The following RBM19 variants were observed in gnomAD, a reference collection of about 807,000 sequenced individuals.
RBM19 encodes probable RNA-binding protein 19.
A neutral mutation model predicts 116.8 loss-of-function variants in RBM19; 94 were observed. The observed-to-expected ratio is 0.80, with a 90% CI of 0.68 to 0.95. The LOEUF is 0.95. Among genes scored for constraint, RBM19 ranks in the 40% least tolerant of loss-of-function variants. The pLI is 0.00. For synonymous variants in RBM19, 475 were observed against 494.1 expected (o/e 0.96, Z 0.51); for missense variants, 1,161 against 1,220.7 (o/e 0.95, Z 0.73).
intron 23 of RBM19, among the ~76,000 whole-genome samples, chr12:113,838,478 A>G: frequency 6.6e-6 from 1 of 152,184 alleles, no homozygotes; most frequent in East Asian, 1.9e-4. Flanking sequence ...GAGCATGCAT[A>G]CTCCACAGGG....
intron 4 of RBM19, 130 bp from the exon 5 acceptor site, chr12:113,959,534 C>CAGAGAATGGGGGAA: frequency 1.8e-6 from 2 of 1,127,032 alleles, no homozygotes; most frequent in Non-Finnish European, 2.5e-6. Context: ...TAATTTCCCC[C>CAGAGAATGGGGGAA]ATTCTCTGGA....
At chr12:113,862,269 G>T (rs1456126824) in intron 21 of RBM19, among the ~76,000 whole-genome samples, 3 of 152,156 alleles carry the variant, frequency 2.0e-5, no homozygotes, top group Admixed American at 1.3e-4. Flanking sequence ...GAAGAAAAGC[G>T]ACTTGCCCAT....
chr12:113,949,027 T>C lies in RBM19; in HGVS notation c.1082A>G (p.Tyr361Cys), dbSNP rs149098977. The change falls in exon 10 of 24, where the codon TAC becomes TGC. Residue 361 changes from tyrosine (Y) to cysteine (C), a missense_variant. Tyr to Cys is a radical substitution (Grantham distance 194). Coordinates refer to ENST00000261741, the MANE Select transcript of RBM19 (RefSeq NM_016196.4). ...KCNREYMGGR[Y>C]IEVFREKNVP... is the part of the protein sequence containing the mutation. ...GTTCTTTTCCCTGAACACCTCGATGTAGCGCCCACCTGCAATGAAGAGGAG... is the reference window on the plus strand; with the variant it reads ...GTTCTTTTCCCTGAACACCTCGATGCAGCGCCCACCTGCAATGAAGAGGAG... 20 of 1,613,192 alleles carry C rather than the reference T, an allele frequency of 1.2e-5. No homozygotes were observed. In the African/African-American group the frequency reaches 2.1e-4, roughly 17 times the overall value.
intron 21 of RBM19, among the ~76,000 whole-genome samples, chr12:113,873,831 GGA>G (rs1355570801): frequency 6.6e-6 from 1 of 152,254 alleles, no homozygotes; most frequent in African/African-American, 2.4e-5. Context: ...TTCAGTGATG[GGA>G]GAAATGAGAC....
chr12:113,887,578 T>G (rs1463219737), intron 21 of RBM19, among the ~76,000 whole-genome samples: 1 of 121,890 alleles, frequency 8.2e-6, no homozygotes, highest in Non-Finnish European at 1.6e-5. Flanking sequence ...GAGGTTGCAG[T>G]GAGCCGAGAT....
At chr12:113,954,023 C>G (rs565381120) in intron 7 of RBM19, among the ~76,000 whole-genome samples, 1 of 152,262 alleles carries the variant, frequency 6.6e-6, no homozygotes, top group Middle Eastern at 3.4e-3. Flanking sequence ...CTCCCACGTC[C>G]CAATTTAGGG....
At chr12:113,954,501 C>A (rs1471445369) in intron 7 of RBM19, among the ~76,000 whole-genome samples, 1 of 152,146 alleles carries the variant, frequency 6.6e-6, no homozygotes, top group African/African-American at 2.4e-5. Flanking sequence ...CAGCCTGGCA[C>A]CCCATTGGGG....
At chr12:113,847,518 G>A (rs3782429) in intron 22 of RBM19, among the ~76,000 whole-genome samples, 5,357 of 152,132 alleles carry the variant, frequency 0.035, 307 homozygotes, top group Admixed American at 0.15. Flanking sequence ...TGGGGGAGCT[G>A]GGGTTTTAAG....
At chr12:113,843,952 C>T (rs1439211219) in intron 23 of RBM19, among the ~76,000 whole-genome samples, 1 of 152,208 alleles carries the variant, frequency 6.6e-6, no homozygotes, top group Non-Finnish European at 1.5e-5. Context: ...CTTAGGCAGC[C>T]CTTTGTTGGG....
Position 113,909,207 on chromosome 12 carries a change from C to G in RBM19, c.2558+5762G>C, listed in dbSNP as rs555738363. 4.6e-5 allele frequency among the ~76,000 whole-genome samples: 7 copies of G among 152,274 alleles called. No individual in the cohort carries two copies. In the East Asian group the frequency reaches 1.4e-3, roughly 29 times the overall value. ...GCCTGATTATAGCTCACTGCAAACT[C>G]AGACTCCCAGACTCAAACAATTTTC... is the stretch of plus-strand genomic sequence containing the variant. On this transcript the variant is annotated intron_variant, in intron 21 of 23. Coordinates refer to ENST00000261741, the MANE Select transcript of RBM19 (RefSeq NM_016196.4).
chr12:113,906,766 C>T (rs1249056487), intron 21 of RBM19, among the ~76,000 whole-genome samples: 4 of 151,878 alleles, frequency 2.6e-5, no homozygotes, highest in African/African-American at 7.3e-5. Context: ...TCTAAGATTC[C>T]CTGTACTGGA....
chr12:113,909,487 A>G (rs2135842577), intron 21 of RBM19, among the ~76,000 whole-genome samples: 1 of 152,310 alleles, frequency 6.6e-6, no homozygotes, highest in South Asian at 2.1e-4. Flanking sequence ...CAAAGCCCCA[A>G]CCAAGAAGGT....
At chr12:113,852,895 C>T (rs953634343) in intron 22 of RBM19, among the ~76,000 whole-genome samples, 3 of 152,244 alleles carry the variant, frequency 2.0e-5, no homozygotes, top group South Asian at 2.1e-4. Context: ...GAACGCACGC[C>T]ACTGACAATC....
chr12:113,950,498 A>G (rs1387022157), intron 8 of RBM19, among the ~76,000 whole-genome samples: 1 of 152,174 alleles, frequency 6.6e-6, no homozygotes, highest in Non-Finnish European at 1.5e-5. Context: ...CTGTGGCTAC[A>G]GCATGAGGAC....
intron 21 of RBM19, among the ~76,000 whole-genome samples, chr12:113,896,004 G>A (rs566598886): frequency 6.6e-6 from 1 of 152,154 alleles, no homozygotes; most frequent in South Asian, 2.1e-4. Context: ...ATGTAGAGAG[G>A]AGAAAGGGAG....
At chr12:113,869,059 G>A (rs568455491) in intron 21 of RBM19, among the ~76,000 whole-genome samples, 2 of 152,300 alleles carry the variant, frequency 1.3e-5, no homozygotes, top group African/African-American at 4.8e-5. Flanking sequence ...GAACTGTTGT[G>A]AGTAATGTGC....
intron 23 of RBM19, among the ~76,000 whole-genome samples, chr12:113,826,942 C>T (rs1333921169): frequency 2.6e-5 from 4 of 152,196 alleles, no homozygotes; most frequent in South Asian, 4.1e-4. Context: ...ATAAGCCAGC[C>T]TCCGTGCTCC....
At chr12:113,826,620 G>A (rs1874881106) in intron 23 of RBM19, among the ~76,000 whole-genome samples, 1 of 152,238 alleles carries the variant, frequency 6.6e-6, no homozygotes, top group Non-Finnish European at 1.5e-5. Context: ...TTTCTGGTCT[G>A]GCAGGGGGAG....
chr12:113,944,561 G>A (rs146271787), intron 13 of RBM19, among the ~76,000 whole-genome samples: 116 of 152,086 alleles, frequency 7.6e-4, no homozygotes, highest in African/African-American at 2.7e-3. Flanking sequence ...ACTTTGGGAG[G>A]CCAAGGTGGC....
Sources: gnomAD v4.1 joint callset for allele counts (sites outside exome capture counted in the v4.1 genomes callset) on GRCh38, gnomAD v4.1.1 for gene constraint, MANE v1.5 for transcripts, NCBI Gene and HGNC (gene_info 2026-07-23, HGNC 2026-07-21) for gene names.